SOCS2: variants seen among roughly 807,000 people sequenced by gnomAD.
SOCS2 encodes the protein suppressor of cytokine signaling 2, also known as CIS-2.
A neutral mutation model predicts 18.6 loss-of-function variants in SOCS2; 10 were observed. That is an observed-to-expected ratio of 0.54 (90% CI 0.33 to 0.91). The LOEUF (loss-of-function observed/expected upper bound fraction) is 0.91. SOCS2 is among the 40% of genes least tolerant of loss of function. The pLI is 0.02. For missense variants in SOCS2, 231 were observed against 247.2 expected (o/e 0.93, Z 0.44); for synonymous variants, 104 against 104.0 (o/e 1.00, Z 0.00).
At chr12:93,573,313 T>G (rs1311170973) in intron 1 of SOCS2, 2 of 560,142 alleles carry the variant, frequency 3.6e-6, no homozygotes, top group Non-Finnish European at 3.1e-6. Context: ...TTTCCGCAGC[T>G]GCTCAGGGTT....
the SOCS2 span, among the ~76,000 whole-genome samples, chr12:93,615,999 G>A: frequency 7.2e-5 from 11 of 152,216 alleles, no homozygotes; most frequent in Admixed American, 1.3e-4. Flanking sequence ...AAGCTCTCAT[G>A]ATTAATTCAT....
chr12:93,619,862 C>T, the SOCS2 span, among the ~76,000 whole-genome samples: 4 of 152,316 alleles, frequency 2.6e-5, no homozygotes, highest in East Asian at 7.7e-4. Context: ...AGCTCATGCT[C>T]CTCCTCTTCA....
rs761883789 is a variant in SOCS2 at position 93,572,935 on chromosome 12, G to C, written c.38G>C (p.Gly13Ala). Reference protein sequence around the residue: ...LRCLEPSGNGGEGTRSQWGTA... With the variant: ...LRCLEPSGNGAEGTRSQWGTA... ...TGCCTTGAGCCCTCCGGGAATGGCG[G>C]GGAAGGGACGCGGAGCCAGTGGGGG... The change falls in exon 1 of 2, where the codon GGG (glycine) becomes GCG (alanine). Residue 13 changes from glycine to alanine, a missense_variant. Physicochemically the swap from Gly to Ala is moderately conservative, Grantham distance 60. Coordinates refer to ENST00000551556, the MANE Select transcript of SOCS2 (RefSeq NM_001270471.2). The surrounding 1 kb of genome is among the most constrained non-coding windows in gnomAD (Gnocchi z 5.0). 64 of 1,572,632 alleles carry C rather than the reference G, an allele frequency of 4.1e-5. No homozygotes were observed. The highest frequency in any genetic ancestry group is 5.4e-5 in the Non-Finnish European group (62 of 1,158,052).
chr12:93,592,398 A>T, the SOCS2 span, among the ~76,000 whole-genome samples: 1 of 152,196 alleles, frequency 6.6e-6, no homozygotes, highest in African/African-American at 2.4e-5. Context: ...GCTAGTGGAT[A>T]TACAGGTTGT....
chr12:93,616,352 A>G, the SOCS2 span, among the ~76,000 whole-genome samples: 1 of 152,198 alleles, frequency 6.6e-6, no homozygotes, highest in Non-Finnish European at 1.5e-5. Flanking sequence ...AATGAAATCC[A>G]GTTTTCTTGG....
At chr12:93,574,559 A>T (rs977369663) in intron 1 of SOCS2, 163 bp from the exon 2 acceptor site, 17 of 465,894 alleles carry the variant, frequency 3.6e-5, no homozygotes, top group Non-Finnish European at 5.2e-5. Context: ...ATTCCTACTG[A>T]AAGTATTTGT....
chr12:93,607,800 A>G, the SOCS2 span, among the ~76,000 whole-genome samples: 1 of 152,184 alleles, frequency 6.6e-6, no homozygotes, highest in Non-Finnish European at 1.5e-5. Flanking sequence ...AGTCATTTCC[A>G]GTCAGCCTGA....
At chr12:93,604,535 GA>G in the SOCS2 span, among the ~76,000 whole-genome samples, 1 of 151,882 alleles carries the variant, frequency 6.6e-6, no homozygotes, top group Non-Finnish European at 1.5e-5. Flanking sequence ...AATGTTTTAA[GA>G]AAAAAAACTG....
chr12:93,586,939 G>A (rs966920603), downstream of SOCS2, among the ~76,000 whole-genome samples: 7 of 152,270 alleles, frequency 4.6e-5, no homozygotes, highest in Admixed American at 1.3e-4. Context: ...AGGCCGACAC[G>A]GGTGGATCAC....
chr12:93,592,422 C>A, the SOCS2 span, among the ~76,000 whole-genome samples: 2 of 152,172 alleles, frequency 1.3e-5, no homozygotes, highest in East Asian at 1.9e-4. Flanking sequence ...CAGTTTCGTG[C>A]TATTACAAAC....
At chr12:93,576,858 C>T (rs1422911126), downstream of SOCS2, 1 of 152,206 alleles carries the variant, frequency 6.6e-6, no homozygotes, top group Non-Finnish European at 1.5e-5. Context: ...AGGTGTGCCT[C>T]AGGAAGAGTT....
the SOCS2 span, among the ~76,000 whole-genome samples, chr12:93,606,730 G>A: frequency 6.6e-6 from 1 of 152,132 alleles, no homozygotes; most frequent in Non-Finnish European, 1.5e-5. Context: ...TTGGCTCACT[G>A]CAACCTCTGC....
the SOCS2 span, among the ~76,000 whole-genome samples, chr12:93,614,938 TAA>T: frequency 1.3e-4 from 17 of 135,422 alleles, no homozygotes; most frequent in Admixed American, 1.5e-4. Context: ...ATTTTCTATT[TAA>T]AAAAAAAAAA....
Position 93,574,737 on chromosome 12 carries a change from G to T in SOCS2, c.155G>T (p.Ser52Ile), listed in dbSNP as rs3741676. ...ELGQTGWYWG[S>I]MTVNEAKEKL... ...AAAACCCCAGGATGGTACTGGGGAA[G>T]TATGACTGTTAATGAAGCCAAAGAG... Residue 52 changes from serine to isoleucine, a missense_variant, in exon 2 of 2, where the codon AGT (serine) becomes ATT (isoleucine). Ser to Ile is a moderately radical substitution (Grantham distance 142, BLOSUM62 -2). Coordinates refer to ENST00000551556, the MANE Select transcript of SOCS2 (RefSeq NM_001270471.2). 1.2e-6 allele frequency: 2 copies of T among 1,612,068 alleles called. No individual in the cohort carries two copies. Among genetic ancestry groups the T allele is most frequent in the Non-Finnish European group, 1.7e-6 (2 of 1,178,984 alleles).
At chr12:93,603,906 G>C in the SOCS2 span, among the ~76,000 whole-genome samples, 1 of 152,132 alleles carries the variant, frequency 6.6e-6, no homozygotes, top group Admixed American at 6.5e-5. Flanking sequence ...GAGATGATTG[G>C]CATGTATTAT....
chr12:93,574,163 C>T (rs1464328146), intron 1 of SOCS2: 1 of 145,768 alleles, frequency 6.9e-6, no homozygotes, highest in Admixed American at 6.9e-5. Context: ...CATAGCAGTG[C>T]TTTCTACATA....
chr12:93,612,384 T>G, the SOCS2 span, among the ~76,000 whole-genome samples: 1 of 152,022 alleles, frequency 6.6e-6, no homozygotes, highest in African/African-American at 2.4e-5. Flanking sequence ...CTGTGATTAC[T>G]TCATGGCTGT....
downstream of SOCS2, among the ~76,000 whole-genome samples, chr12:93,581,165 A>G (rs935599083): frequency 1.3e-5 from 2 of 152,232 alleles, no homozygotes; most frequent in African/African-American, 2.4e-5. Context: ...TGTGAGCTCA[A>G]TCATTATGCA....
At chr12:93,608,179 T>A in the SOCS2 span, among the ~76,000 whole-genome samples, 1 of 151,342 alleles carries the variant, frequency 6.6e-6, no homozygotes, top group Non-Finnish European at 1.5e-5. Context: ...GGTTTTTTTT[T>A]TGGTAATGAC....
Sources: gnomAD v4.1 joint callset for allele counts (sites outside exome capture counted in the v4.1 genomes callset) on GRCh38, gnomAD v4.1.1 for gene constraint, Gnocchi (gnomAD v3.1) non-coding constraint, MANE v1.5 for transcripts, NCBI Gene and HGNC (gene_info 2026-07-23, HGNC 2026-07-21) for gene names.